Variants in DENND4A observed in about 807,000 individuals in gnomAD.
The protein encoded by DENND4A is DENN domain containing 4A, also known as C-myc promoter-binding protein.
A neutral mutation model predicts 199.3 loss-of-function variants in DENND4A; 70 were observed. The observed-to-expected ratio is 0.35, with a 90% confidence interval of 0.29 to 0.43. The LOEUF is 0.43. Ranked by LOEUF, DENND4A falls within the 20% of genes least tolerant of loss-of-function variation. DENND4A has a pLI of 1.00. For missense variants in DENND4A, 1,723 were observed against 2,255.8 expected, an observed-to-expected ratio of 0.76 and a Z score of 4.78; for synonymous variants, 686 against 766.9, an observed-to-expected ratio of 0.89 and a Z score of 1.74.
Position 65,729,630 on chromosome 15 carries a change from A to T in DENND4A, c.1215T>A (p.Ala405=), listed in dbSNP as rs1361543367. 1.3e-6 allele frequency: 2 copies of T among 1,570,434 alleles called. No homozygotes were observed. The highest frequency in any genetic ancestry group is 1.7e-6 in the Non-Finnish European group (2 of 1,156,588). ...TTACTGCAAACACCAGTAGTGTCAC[A>T]GCATTTTCAGGGCCTAAATTCTGCA... The part of the protein sequence containing the change: ...TLLQNLGPEN[A]VTLLVFAVTE... The change falls in exon 10 of 33, where the codon GCT becomes GCA. Residue 405 remains alanine, a synonymous_variant. Transcript: ENST00000443035.
chr15:65,670,859 C>T (rs1172607384), intron 25 of DENND4A, among the ~76,000 whole-genome samples: 2 of 152,130 alleles, frequency 1.3e-5, no homozygotes, highest in African/African-American at 4.8e-5. Context: ...TATGTTTTGG[C>T]TGTATGCAAA....
intron 5 of DENND4A, among the ~76,000 whole-genome samples, chr15:65,740,844 C>A (rs1162501434): frequency 6.6e-6 from 1 of 151,706 alleles, no homozygotes; most frequent in East Asian, 1.9e-4. Flanking sequence ...CTCCTATAGT[C>A]CAAGGTACTA....
chr15:65,689,297 G>A (rs1019527484), intron 23 of DENND4A, among the ~76,000 whole-genome samples: 7 of 151,986 alleles, frequency 4.6e-5, no homozygotes, highest in Admixed American at 4.6e-4. Flanking sequence ...TCAAACATCT[G>A]GATCACTTGA....
At chr15:65,707,541 G>A (rs2075102382) in intron 14 of DENND4A, among the ~76,000 whole-genome samples, 1 of 151,690 alleles carries the variant, frequency 6.6e-6, no homozygotes, top group South Asian at 2.1e-4. Context: ...ATACTCTCTT[G>A]GATTAAATAA....
At position 65,720,959 on chromosome 15, in the gene DENND4A, A is replaced by C. The variant is rs1300799626; in HGVS notation, c.1588+1889T>G. On this transcript the variant is annotated intron_variant, in intron 12 of 32. Coordinates refer to ENST00000443035, the MANE Select transcript of DENND4A (RefSeq NM_001320835.1). ...GCTGTTTCATTGATTATATATATAT[A>C]TATATATATATATATATATATATTT... Among the ~76,000 whole-genome samples, 7 of 57,486 alleles carry C rather than the reference A, an allele frequency of 1.2e-4. 1 individual carries two copies. Among genetic ancestry groups the C allele is most frequent in the Admixed American group, 3.6e-4 (2 of 5,550 alleles). The allele number at this position is 57,486 out of a possible 152,430, so 37.7% of individuals were successfully genotyped here. A position where few individuals can be genotyped will look rare whatever the true frequency, so the allele number is the denominator to read the frequency against.
intron 13 of DENND4A, 55 bp downstream of exon 13, chr15:65,717,723 C>T (rs1055611100): frequency 5.7e-6 from 8 of 1,407,558 alleles, no homozygotes; most frequent in East Asian, 2.5e-5. Flanking sequence ...GCAAATGAAT[C>T]ATCACAAAGT....
At chr15:65,784,013 G>A (rs547257201) in intron 1 of DENND4A, among the ~76,000 whole-genome samples, 3 of 152,090 alleles carry the variant, frequency 2.0e-5, no homozygotes, top group Non-Finnish European at 2.9e-5. Flanking sequence ...GGTGACCGAG[G>A]TTAACAATAT....
intron 23 of DENND4A, among the ~76,000 whole-genome samples, chr15:65,689,054 C>T (rs1023916088): frequency 2.6e-5 from 4 of 152,196 alleles, no homozygotes; most frequent in African/African-American, 9.6e-5. Context: ...CCAGTGTCTT[C>T]TGACATCATA....
At chr15:65,668,542 C>T (rs193232887) in intron 27 of DENND4A, among the ~76,000 whole-genome samples, 13 of 151,518 alleles carry the variant, frequency 8.6e-5, no homozygotes, top group Admixed American at 2.6e-4. Flanking sequence ...GCTAGATGGT[C>T]GGGCGAGGTG....
intron 12 of DENND4A, among the ~76,000 whole-genome samples, chr15:65,719,679 C>T (rs147949479): frequency 1.1e-3 from 163 of 151,870 alleles, no homozygotes; most frequent in African/African-American, 3.8e-3. Flanking sequence ...CACTTGAGCC[C>T]AGAAGTTCAA....
At chr15:65,715,662 T>A (rs117688193) in intron 13 of DENND4A, 39 bp from the exon 14 acceptor site, 55,039 of 1,496,966 alleles carry the variant, frequency 0.037, 1,246 homozygotes, top group Non-Finnish European at 0.042. Flanking sequence ...ATACATAATA[T>A]CATTCATAGA....
At chr15:65,745,905 G>A (rs1163519183) in intron 4 of DENND4A, among the ~76,000 whole-genome samples, 2 of 151,916 alleles carry the variant, frequency 1.3e-5, no homozygotes, top group Non-Finnish European at 1.5e-5. Context: ...AGGCCGAGGT[G>A]GGCGGATCAC....
In DENND4A at chr15:65,719,044, T is replaced by C. The variant is rs1266402626; in HGVS notation, c.1589-1048A>G. Among the ~76,000 whole-genome samples, 3 of 152,044 alleles carry C rather than the reference T, an allele frequency of 2.0e-5. No individual in the cohort carries two copies. In the East Asian group the frequency reaches 5.8e-4, roughly 29 times the overall value. On this transcript the variant is annotated intron_variant, in intron 12 of 32. Coordinates refer to ENST00000443035, the MANE Select transcript of DENND4A (RefSeq NM_001320835.1). ...ATCCGCCTACCTTGGCCTCCCAAAG[T>C]GCTGGGATTATAGGCATGAGGCACC...
intron 23 of DENND4A, among the ~76,000 whole-genome samples, chr15:65,686,534 A>T (rs1471249898): frequency 1.3e-5 from 2 of 152,158 alleles, no homozygotes; most frequent in Non-Finnish European, 2.9e-5. Context: ...TACATGGATA[A>T]TTATTGTGTC....
chr15:65,724,898 T>C (rs932789469), intron 11 of DENND4A, among the ~76,000 whole-genome samples: 7 of 152,204 alleles, frequency 4.6e-5, no homozygotes, highest in African/African-American at 1.7e-4. Context: ...ATTATGAGTG[T>C]CTTAAGAGAA....
rs150716841 is a variant in DENND4A, at chr15:65,751,991, C to T, written c.561+388G>A. On this transcript the variant is annotated intron_variant, in intron 4 of 32. Coordinates refer to ENST00000443035, the MANE Select transcript of DENND4A (RefSeq NM_001320835.1). ...GTTGGAGGAAATAGGGAGGGAAAAA[C>T]CAATGATTTACAAAAAAGTAGGGAG... Among the ~76,000 whole-genome samples the T allele has an allele frequency of 3.2e-4, 49 of 151,664 alleles. 1 individual carries two copies. In the East Asian group the frequency reaches 5.4e-3, roughly 17 times the overall value.
chr15:65,674,131 T>C (rs1272240732), intron 24 of DENND4A, among the ~76,000 whole-genome samples: 2 of 152,138 alleles, frequency 1.3e-5, no homozygotes, highest in Non-Finnish European at 2.9e-5. Context: ...TGGCCCTGTA[T>C]GGACCCCAAT....
At chr15:65,723,016 T>C (rs2075694010) in intron 11 of DENND4A, 68 bp from the exon 12 acceptor site, 1 of 1,173,388 alleles carries the variant, frequency 8.5e-7, no homozygotes, top group East Asian at 2.8e-5. Context: ...TATATATCTG[T>C]TATATATAAA....
At position 65,691,485 on chromosome 15, in the gene DENND4A, A is replaced by G; in HGVS notation, c.3109T>C (p.Ser1037Pro). The change falls in exon 23 of 33, where the codon TCA becomes CCA. Residue 1037 changes from serine (S) to proline (P), a missense_variant. Physicochemically the swap from Ser to Pro is moderately conservative, Grantham distance 74. Coordinates refer to ENST00000443035, the MANE Select transcript of DENND4A (RefSeq NM_001320835.1). ...MESTPELLLI[S>P]SLEDTNETRN... ...GTTTCATTTGTATCTTCAAGAGATG[A>G]TATTAAGAGCAGCTCAGGTGTGCTT... is the stretch of plus-strand genomic sequence containing the variant. 6.2e-7 allele frequency: 1 copy of G among 1,609,790 alleles called. No individual in the cohort carries two copies. Among genetic ancestry groups the G allele is most frequent in the African/African-American group, 1.3e-5 (1 of 74,978 alleles).
Sources: allele counts gnomAD v4.1 joint callset (sites outside exome capture counted in the v4.1 genomes callset), GRCh38; gene constraint gnomAD v4.1.1; transcripts MANE v1.5; gene names NCBI Gene and HGNC (gene_info 2026-07-23, HGNC 2026-07-21).